Variants in CAMK2D observed in about 807,000 individuals in gnomAD.
The protein encoded by CAMK2D is calcium/calmodulin-dependent protein kinase type II subunit delta.
CAMK2D carries 37 observed loss-of-function variants against 84.0 expected under a neutral mutation model. That is an observed-to-expected ratio of 0.44 (90% CI 0.34 to 0.58). CAMK2D has a LOEUF of 0.58. Among genes scored for constraint, CAMK2D ranks in the 20% least tolerant of loss-of-function variants. The probability of loss-of-function intolerance (pLI) is 0.02; values close to 1 mark genes in which losing one functional copy is unlikely to be tolerated. For missense variants in CAMK2D, 448 were observed against 652.5 expected, an observed-to-expected ratio of 0.69 and a Z score of 3.41; for synonymous variants, 202 against 212.5, an observed-to-expected ratio of 0.95 and a Z score of 0.43.
At chr4:113,678,566 T>G (rs1437209694) in intron 2 of CAMK2D, among the ~76,000 whole-genome samples, 2 of 152,078 alleles carry the variant, frequency 1.3e-5, no homozygotes, top group South Asian at 4.1e-4. Flanking sequence ...CAAATTAGGG[T>G]AATTAGCATA....
intron 3 of CAMK2D, among the ~76,000 whole-genome samples, chr4:113,609,547 T>C (rs2098991256): frequency 6.6e-6 from 1 of 152,238 alleles, no homozygotes; most frequent in Non-Finnish European, 1.5e-5. Context: ...ATCATTATAA[T>C]ATATATCCAT....
At chr4:113,545,276 C>T (rs1408159017) in intron 6 of CAMK2D, among the ~76,000 whole-genome samples, 1 of 152,088 alleles carries the variant, frequency 6.6e-6, no homozygotes, top group Non-Finnish European at 1.5e-5. Flanking sequence ...AATTGTACAG[C>T]ACTTATATCC....
chr4:113,471,662 C>T (rs1422580700), intron 16 of CAMK2D, among the ~76,000 whole-genome samples: 3 of 152,166 alleles, frequency 2.0e-5, no homozygotes, highest in Non-Finnish European at 4.4e-5. Context: ...TCTCTAGGCT[C>T]ACTGCCACTA....
chr4:113,738,207 G>GAA lies in CAMK2D; in HGVS notation c.160+21111_160+21112dup, dbSNP rs572007050. On this transcript the variant is annotated intron_variant, in intron 2 of 20. Transcript: ENST00000511664. ...AGTGAAGAATCTAAATATGTTCTTT[G>GAA]AAAAAAAAAAAAAAACTACTGTGAG... Among the ~76,000 whole-genome samples, 101 of 107,880 alleles carry GAA rather than the reference G, an allele frequency of 9.4e-4. 1 individual carries two copies. Among genetic ancestry groups the GAA allele is most frequent in the African/African-American group, 2.9e-3 (89 of 30,428 alleles). 70.8% of individuals were successfully genotyped at this position (107,880 alleles called of 152,430 possible).
intron 2 of CAMK2D, among the ~76,000 whole-genome samples, chr4:113,730,881 A>G (rs1156506325): frequency 6.6e-6 from 1 of 152,132 alleles, no homozygotes; most frequent in African/African-American, 2.4e-5. Context: ...CAGGTACCAC[A>G]CTTTACATCT....
chr4:113,624,423 T>C (rs1262840476), intron 3 of CAMK2D, among the ~76,000 whole-genome samples: 1 of 152,188 alleles, frequency 6.6e-6, no homozygotes, highest in African/African-American at 2.4e-5. Flanking sequence ...AAAATAAGTA[T>C]TTGCTGTTGT....
chr4:113,624,235 T>G (rs1186723882), intron 3 of CAMK2D, among the ~76,000 whole-genome samples: 1 of 152,062 alleles, frequency 6.6e-6, no homozygotes, highest in African/African-American at 2.4e-5. Context: ...ATGTAACAGG[T>G]AAAGAAAATA....
chr4:113,741,966 C>T (rs1380637269), intron 2 of CAMK2D, among the ~76,000 whole-genome samples: 2 of 152,196 alleles, frequency 1.3e-5, no homozygotes, highest in East Asian at 3.8e-4. Flanking sequence ...TCTTCCTCAG[C>T]TCTATCTAAA....
intron 3 of CAMK2D, among the ~76,000 whole-genome samples, chr4:113,640,629 C>A (rs1006564855): frequency 3.3e-5 from 5 of 152,120 alleles, no homozygotes; most frequent in Admixed American, 3.3e-4. Flanking sequence ...AAGAAGGTTC[C>A]ACTGGACTTA....
At position 113,464,654 on chromosome 4, in the gene CAMK2D, G is replaced by A. The variant is rs1326119097; in HGVS notation, c.1211+875C>T. The stretch of plus-strand genomic sequence containing the variant: ...CCTTCATAGTTCCTATGATCCAGGA[G>A]TTTATAAACTTTAAATAAGCATTAA... On this transcript the variant is annotated intron_variant, in intron 17 of 20. Coordinates refer to ENST00000511664, the MANE Select transcript of CAMK2D (RefSeq NM_001321571.2). Among the ~76,000 whole-genome samples, 6 of 152,274 alleles carry A rather than the reference G, an allele frequency of 3.9e-5. 1 individual carries two copies. Among genetic ancestry groups the A allele is most frequent in the Admixed American group, 6.5e-5 (1 of 15,280 alleles).
At chr4:113,495,398 T>C (rs955761420) in intron 16 of CAMK2D, among the ~76,000 whole-genome samples, 1 of 152,162 alleles carries the variant, frequency 6.6e-6, no homozygotes, top group Non-Finnish European at 1.5e-5. Context: ...TACATGTAGA[T>C]ACCAAGAAGA....
In CAMK2D at chr4:113,664,421, G is replaced by A. The variant is rs149304079; in HGVS notation, c.161-2649C>T. On this transcript the variant is annotated intron_variant, in intron 2 of 20. Coordinates refer to ENST00000511664, the MANE Select transcript of CAMK2D (RefSeq NM_001321571.2). ...AGGCTGCAATCAAGGTGTCAGCCAC[G>A]GCTGGGGTCTCATCTGAAATCTTGA... Among the ~76,000 whole-genome samples, 84 of 152,284 alleles carry A rather than the reference G, an allele frequency of 5.5e-4. 1 individual carries two copies. Among genetic ancestry groups the A allele is most frequent in the Middle Eastern group, 3.4e-3 (1 of 294 alleles).
intron 4 of CAMK2D, among the ~76,000 whole-genome samples, chr4:113,554,268 C>T (rs750558190): frequency 2.0e-5 from 3 of 152,022 alleles, no homozygotes; most frequent in East Asian, 1.9e-4. Flanking sequence ...GAGAATCATG[C>T]TATCCATTTC....
At chr4:113,592,603 C>A (rs2098895428) in intron 4 of CAMK2D, among the ~76,000 whole-genome samples, 1 of 151,942 alleles carries the variant, frequency 6.6e-6, no homozygotes, top group African/African-American at 2.4e-5. Flanking sequence ...CATCAAATTC[C>A]AATGGAGTAT....
intron 4 of CAMK2D, among the ~76,000 whole-genome samples, chr4:113,603,740 TTATA>T (rs994798629): frequency 5.5e-5 from 8 of 144,506 alleles, no homozygotes; most frequent in African/African-American, 2.0e-4. Context: ...TTATATTTCT[TTATA>T]TATATCTTTC....
intron 2 of CAMK2D, among the ~76,000 whole-genome samples, chr4:113,690,533 T>C (rs1454003120): frequency 6.6e-6 from 1 of 152,166 alleles, no homozygotes; most frequent in Admixed American, 6.5e-5. Context: ...GAGGCAACAG[T>C]ATTTAATTAT....
chr4:113,589,355 CAAGTTCTGACAG>C (rs1442142140), intron 4 of CAMK2D, among the ~76,000 whole-genome samples: 2 of 152,034 alleles, frequency 1.3e-5, no homozygotes, highest in Non-Finnish European at 2.9e-5. Context: ...AAGATATATT[CAAGTTCTGACAG>C]ATTCAAGTTC....
At chr4:113,526,414 A>ATATGTGTGTGTGTGTGTGTGTGTGTG (rs1553930374) in intron 8 of CAMK2D, among the ~76,000 whole-genome samples, 64 of 149,566 alleles carry the variant, frequency 4.3e-4, no homozygotes, top group African/African-American at 1.5e-3. Flanking sequence ...GTCATTCTTG[A>ATATGTGTGTGTGTGTGTGTGTGTGTG]TGTGTGTGTG....
intron 17 of CAMK2D, among the ~76,000 whole-genome samples, chr4:113,463,074 G>A (rs893044503): frequency 6.6e-6 from 1 of 152,090 alleles, no homozygotes; most frequent in African/African-American, 2.4e-5. Flanking sequence ...TCATGATAAA[G>A]AATGGATACA....
Sources: gnomAD v4.1 joint callset for allele counts (sites outside exome capture counted in the v4.1 genomes callset) on GRCh38, gnomAD v4.1.1 for gene constraint, MANE v1.5 for transcripts, NCBI Gene and HGNC (gene_info 2026-07-23, HGNC 2026-07-21) for gene names.